CNTN5: variants seen among roughly 807,000 people sequenced by gnomAD.
The protein encoded by CNTN5 is contactin-5.
Under a neutral mutation model 129.1 loss-of-function variants are expected in CNTN5, and 77 were observed. The observed-to-expected ratio is 0.60, with a 90% CI of 0.50 to 0.72. CNTN5 has a LOEUF of 0.72. CNTN5 is among the 30% of genes least tolerant of loss of function. The probability of loss-of-function intolerance (pLI) is 0.00; values close to 1 mark genes in which losing one functional copy is unlikely to be tolerated. For missense variants in CNTN5, 1,478 were observed against 1,328.8 expected (o/e 1.11, Z -1.75); for synonymous variants, 509 against 465.6 (o/e 1.09, Z -1.20).
At chr11:100,045,993 C>T (rs1292179090) in intron 9 of CNTN5, among the ~76,000 whole-genome samples, 2 of 151,782 alleles carry the variant, frequency 1.3e-5, no homozygotes, top group Non-Finnish European at 2.9e-5. Context: ...AGTTAGGGTA[C>T]ATGTGCACAA....
At chr11:99,643,871 G>C (rs1471876890) in intron 3 of CNTN5, among the ~76,000 whole-genome samples, 9 of 142,936 alleles carry the variant, frequency 6.3e-5, no homozygotes, top group African/African-American at 2.3e-4. Context: ...AAATGTAAAA[G>C]AACTATATTA....
chr11:99,751,825 T>A (rs1407954620), intron 3 of CNTN5, among the ~76,000 whole-genome samples: 1 of 152,208 alleles, frequency 6.6e-6, no homozygotes, highest in Non-Finnish European at 1.5e-5. Context: ...GTGGGGTCTT[T>A]ACAAGCTGAT....
intron 2 of CNTN5, among the ~76,000 whole-genome samples, chr11:99,496,714 A>T (rs1946240024): frequency 6.6e-6 from 1 of 152,182 alleles, no homozygotes; most frequent in Non-Finnish European, 1.5e-5. Flanking sequence ...ATTTGAGTGA[A>T]AGATGCATAG....
chr11:100,332,348 T>A (rs556795854), intron 21 of CNTN5, among the ~76,000 whole-genome samples: 26 of 151,430 alleles, frequency 1.7e-4, no homozygotes, highest in African/African-American at 6.3e-4. Context: ...ATTTAAAAAT[T>A]GCCAACAAAA....
chr11:99,795,863 A>G (rs1945916955), intron 3 of CNTN5, among the ~76,000 whole-genome samples: 1 of 150,330 alleles, frequency 6.7e-6, no homozygotes, highest in Admixed American at 6.6e-5. Flanking sequence ...TTGCAGTTCT[A>G]AGGTATTTTT....
intron 18 of CNTN5, among the ~76,000 whole-genome samples, chr11:100,293,419 A>C (rs1951037195): frequency 6.6e-6 from 1 of 151,812 alleles, no homozygotes; most frequent in Non-Finnish European, 1.5e-5. Context: ...GGTACTACCA[A>C]AACAATATTA....
chr11:100,254,958 C>T (rs1476111338), intron 16 of CNTN5, among the ~76,000 whole-genome samples: 2 of 152,146 alleles, frequency 1.3e-5, no homozygotes, highest in African/African-American at 4.8e-5. Flanking sequence ...AAAATCACCA[C>T]TAGAAATAAA....
chr11:99,054,916 T>C (rs1445013432), intron 1 of CNTN5, among the ~76,000 whole-genome samples: 1 of 152,002 alleles, frequency 6.6e-6, no homozygotes, highest in Non-Finnish European at 1.5e-5. Context: ...AAACAAAAAT[T>C]ATTTGCAAAT....
intron 2 of CNTN5, among the ~76,000 whole-genome samples, chr11:99,445,998 C>T (rs1470341885): frequency 2.6e-5 from 4 of 151,112 alleles, no homozygotes; most frequent in East Asian, 3.9e-4. Flanking sequence ...GCAGGAGAAT[C>T]GCTTGAACCT....
intron 1 of CNTN5, among the ~76,000 whole-genome samples, chr11:99,084,490 G>T (rs1234237266): frequency 6.6e-6 from 1 of 152,132 alleles, no homozygotes; most frequent in Non-Finnish European, 1.5e-5. Flanking sequence ...TACAGATGAT[G>T]ATATTTGTGT....
chr11:99,813,312 G>A (rs1946486177), intron 3 of CNTN5, among the ~76,000 whole-genome samples: 1 of 152,048 alleles, frequency 6.6e-6, no homozygotes, highest in African/African-American at 2.4e-5. Flanking sequence ...CTAAAATTTA[G>A]ATCAAACCTA....
chr11:99,833,523 G>A (rs191972019), intron 4 of CNTN5, among the ~76,000 whole-genome samples: 14 of 152,236 alleles, frequency 9.2e-5, no homozygotes, highest in African/African-American at 3.4e-4. Context: ...CTTAACTGGA[G>A]ACTAATGTGA....
chr11:99,091,129 G>C (rs1866233820), intron 1 of CNTN5, among the ~76,000 whole-genome samples: 1 of 150,028 alleles, frequency 6.7e-6, no homozygotes, highest in African/African-American at 2.4e-5. Flanking sequence ...TGATAAAGAT[G>C]TGCCATTTGT....
intron 2 of CNTN5, among the ~76,000 whole-genome samples, chr11:99,423,763 T>C (rs1298663585): frequency 2.0e-5 from 3 of 151,646 alleles, no homozygotes; most frequent in African/African-American, 7.3e-5. Flanking sequence ...GTGATGCCAA[T>C]GCCATTTGTC....
chr11:99,800,417 C>G (rs1405609469), intron 3 of CNTN5, among the ~76,000 whole-genome samples: 1 of 151,706 alleles, frequency 6.6e-6, no homozygotes, highest in Non-Finnish European at 1.5e-5. Context: ...AGAATTTATA[C>G]TCTGCGATTC....
rs977443536 is a variant in CNTN5, at chr11:99,065,878, T to C, written c.-210+44608T>C. ...AAACATACGTGTTTGGCATATTATT[T>C]TGATTTCATAGTTTTAACTCAATAG... On this transcript the variant is annotated intron_variant, in intron 1 of 24. Transcript: ENST00000524871. Among the ~76,000 whole-genome samples, 6 of 152,184 alleles carry C rather than the reference T, an allele frequency of 3.9e-5. No homozygotes were observed. The East Asian group carries it at 1.2e-3, about 29-fold the overall frequency.
chr11:99,400,689 C>T (rs1227739083), intron 2 of CNTN5, among the ~76,000 whole-genome samples: 1 of 152,140 alleles, frequency 6.6e-6, no homozygotes, highest in Middle Eastern at 3.2e-3. Flanking sequence ...TATTCACTCT[C>T]TCACCAATAG....
intron 8 of CNTN5, among the ~76,000 whole-genome samples, chr11:99,998,370 CAGAG>C (rs375197580): frequency 0.086 from 11,309 of 131,002 alleles, 95 homozygotes; most frequent in African/African-American, 0.12. Flanking sequence ...AACAGACAAA[CAGAG>C]AGCCAAATCA....
rs557855938 is a variant in CNTN5 at position 99,188,074 on chromosome 11, C to T, written c.-209-137272C>T. On this transcript the variant is annotated intron_variant, in intron 1 of 24. Transcript: ENST00000524871. ...TGCACTTTTTATTTTCATTTTAACA[C>T]ATATATATTCTGAAGATGACTTTAT... 9.2e-5 allele frequency among the ~76,000 whole-genome samples: 14 copies of T among 151,816 alleles called. No individual in the cohort carries two copies. In the East Asian group the frequency reaches 2.5e-3, roughly 27 times the overall value.
Sources: allele counts gnomAD v4.1 joint callset (sites outside exome capture counted in the v4.1 genomes callset), GRCh38; gene constraint gnomAD v4.1.1; transcripts MANE v1.5; gene names NCBI Gene and HGNC (gene_info 2026-07-23, HGNC 2026-07-21).